The following USP10 variants were observed in gnomAD, a reference collection of about 807,000 sequenced individuals.
USP10 encodes ubiquitin specific peptidase 10, also known as ubiquitin carboxyl-terminal hydrolase 10.
USP10 carries 22 observed loss-of-function variants against 84.5 expected under a neutral mutation model. The ratio of observed to expected loss-of-function variants is 0.26; its 90% CI spans 0.19 to 0.37. USP10 has a LOEUF of 0.37. Among genes scored for constraint, USP10 ranks in the 10% least tolerant of loss-of-function variants. USP10 has a pLI of 1.00. For synonymous variants in USP10, 454 were observed against 387.6 expected (o/e 1.17, Z -2.01); for missense variants, 1,019 against 998.9 (o/e 1.02, Z -0.27).
chr16:84,775,178 T>C lies in USP10; in HGVS notation c.2162T>C (p.Val721Ala), dbSNP rs1914868888. The change falls in exon 13 of 14, where the codon GTT becomes GCT. Residue 721 changes from valine to alanine, a missense_variant. Val to Ala is a moderately conservative substitution (Grantham distance 64). Transcript: ENST00000219473. ...TTTCCAGAACTGCTTTCTCCAGGGG[T>C]TAAAAATAAGAATTTTAAATGCCAC... is the stretch of plus-strand genomic sequence containing the variant. The part of the protein sequence containing the change: ...EISKELLSPG[V>A]KNKNFKCHRT... 6.2e-7 allele frequency: 1 copy of C among 1,613,764 alleles called. No individual in the cohort carries two copies. Among genetic ancestry groups the C allele is most frequent in the Non-Finnish European group, 8.5e-7 (1 of 1,179,736 alleles).
At chr16:84,724,904 C>G (rs16974453) in intron 1 of USP10, among the ~76,000 whole-genome samples, 1 of 152,112 alleles carries the variant, frequency 6.6e-6, no homozygotes, top group Non-Finnish European at 1.5e-5. Flanking sequence ...AAGTTGAAAG[C>G]ACACAATGAT....
At chr16:84,701,586 A>G (rs1904864392) in intron 1 of USP10, among the ~76,000 whole-genome samples, 1 of 152,242 alleles carries the variant, frequency 6.6e-6, no homozygotes, top group Admixed American at 6.5e-5. Flanking sequence ...AATGTGTAAT[A>G]TTCCTTGTGA....
chr16:84,774,670 C>G (rs898584723), intron 12 of USP10, among the ~76,000 whole-genome samples: 4 of 152,186 alleles, frequency 2.6e-5, no homozygotes, highest in Non-Finnish European at 5.9e-5. Flanking sequence ...CGTGGTTTCA[C>G]TGTATTAGCC....
At chr16:84,717,208 A>C (rs1907145845) in intron 1 of USP10, among the ~76,000 whole-genome samples, 1 of 151,976 alleles carries the variant, frequency 6.6e-6, no homozygotes, top group Non-Finnish European at 1.5e-5. Flanking sequence ...GGGTCTGTGA[A>C]GTTCTGAAAT....
chr16:84,728,044 C>G (rs964461398), intron 1 of USP10, among the ~76,000 whole-genome samples: 6 of 152,150 alleles, frequency 3.9e-5, no homozygotes, highest in Non-Finnish European at 7.4e-5. Flanking sequence ...AGGATATTGA[C>G]TTTTTTGAAC....
At chr16:84,732,154 T>TA (rs1909317104) in intron 1 of USP10, among the ~76,000 whole-genome samples, 1 of 152,222 alleles carries the variant, frequency 6.6e-6, no homozygotes, top group Non-Finnish European at 1.5e-5. Context: ...AGGAGGGTAT[T>TA]ACATTTAGTG....
chr16:84,765,749 G>A (rs912662842), intron 10 of USP10, among the ~76,000 whole-genome samples: 1 of 152,226 alleles, frequency 6.6e-6, no homozygotes, highest in Non-Finnish European at 1.5e-5. Flanking sequence ...TGAAGAGAGT[G>A]TGAAGGGAGG....
chr16:84,779,750 T>C lies in USP10; in HGVS notation c.*668T>C, dbSNP rs1915373854. ...AGATTTCAAATTGCATTCATGCTTC[T>C]GTGTACACATAATGAAAAATGGGCA... On this transcript the variant is annotated 3_prime_UTR_variant, in exon 14 of 14. Coordinates refer to ENST00000219473, the MANE Select transcript of USP10 (RefSeq NM_005153.3). 6.5e-6 allele frequency: 1 copy of C among 152,730 alleles called. No individual in the cohort carries two copies. Among genetic ancestry groups the C allele is most frequent in the Non-Finnish European group, 1.5e-5 (1 of 68,074 alleles). 9.5% of individuals were successfully genotyped at this position (152,730 alleles called of 1,614,324 possible).
At chr16:84,735,101 A>G (rs1909726819) in intron 2 of USP10, among the ~76,000 whole-genome samples, 1 of 151,414 alleles carries the variant, frequency 6.6e-6, no homozygotes, top group South Asian at 2.1e-4. Flanking sequence ...ATCACAATTC[A>G]CTGCAACTTT....
intron 1 of USP10, among the ~76,000 whole-genome samples, chr16:84,709,621 G>C (rs557915728): frequency 6.6e-6 from 1 of 152,224 alleles, no homozygotes; most frequent in South Asian, 2.1e-4. Context: ...CTTTTGACTC[G>C]GAGGGTGCCG....
chr16:84,701,794 A>T (rs1904890356), intron 1 of USP10, among the ~76,000 whole-genome samples: 2 of 152,304 alleles, frequency 1.3e-5, no homozygotes, highest in South Asian at 2.1e-4. Flanking sequence ...ATCTTTAGAA[A>T]ATTGGAGTAG....
chr16:84,745,689 T>C lies in USP10; in HGVS notation c.1192+16T>C. The C allele has an allele frequency of 1.3e-6, 2 of 1,593,600 alleles. No individual in the cohort carries two copies. The highest frequency in any genetic ancestry group is 1.7e-6 in the Non-Finnish European group (2 of 1,169,192). On this transcript the variant is annotated intron_variant, in intron 4 of 13. Coordinates refer to ENST00000219473, the MANE Select transcript of USP10 (RefSeq NM_005153.3). ...AAGATTGCAGGTATAGTTGAAAAGA[T>C]ACAAATCTAGAGTGAAGATGGGAGC...
At chr16:84,732,700 A>T (rs561556244) in intron 1 of USP10, 1 of 299,044 alleles carries the variant, frequency 3.3e-6, no homozygotes, top group East Asian at 1.2e-4. Context: ...CGCCCATGTC[A>T]GCCTCCCAGA....
Position 84,744,758 on chromosome 16 carries a change from G to A in USP10, c.277G>A (p.Gly93Ser), listed in dbSNP as rs187656961. Residue 93 changes from glycine (G) to serine (S), a missense_variant, in exon 4 of 14, where the codon GGT becomes AGT. By Grantham distance (56) the Gly-to-Ser change is moderately conservative (BLOSUM62 0). This residue lies in a region of USP10 where 787 missense variants were observed against 708.8 expected (regional missense o/e 1.11). Coordinates refer to ENST00000219473, the MANE Select transcript of USP10 (RefSeq NM_005153.3). ...LNPQAPEFIL[G>S]CTASKITPDG... Reference sequence around the variant, plus strand: ...CCCTCAGGCCCCTGAATTTATTCTCGGTTGTACAGCTTCCAAAATAACCCC... The same window carrying A: ...CCCTCAGGCCCCTGAATTTATTCTCAGTTGTACAGCTTCCAAAATAACCCC... 295 of 1,613,656 alleles carry A rather than the reference G, an allele frequency of 1.8e-4. No individual in the cohort carries two copies. Among genetic ancestry groups the A allele is most frequent in the Admixed American group, 4.0e-4 (24 of 60,000 alleles).
At chr16:84,703,892 G>A (rs1457277537) in intron 1 of USP10, among the ~76,000 whole-genome samples, 1 of 152,164 alleles carries the variant, frequency 6.6e-6, no homozygotes, top group Non-Finnish European at 1.5e-5. Flanking sequence ...AATACTAAGC[G>A]GGCCTACCAC....
intron 7 of USP10, 51 bp downstream of exon 7, chr16:84,759,997 G>A (rs1374342175): frequency 6.3e-7 from 1 of 1,598,766 alleles, no homozygotes; most frequent in African/African-American, 1.3e-5. Context: ...GAGTTATGGA[G>A]ACAGATGACT....
In USP10 at chr16:84,775,236, T is replaced by C; in HGVS notation, c.2209+11T>C. The C allele has an allele frequency of 6.2e-7, 1 of 1,611,986 alleles. No homozygotes were observed. The highest frequency in any genetic ancestry group is 2.2e-5 in the East Asian group (1 of 44,872). Reference sequence around the variant, plus strand: ...ATCGGCTCTTTGCAGGTGAGTAAATTTGTACGACATTACTTCTTCATTAAA... The same window carrying C: ...ATCGGCTCTTTGCAGGTGAGTAAATCTGTACGACATTACTTCTTCATTAAA... On this transcript the variant is annotated intron_variant, in intron 13 of 13. Transcript: ENST00000219473.
chr16:84,773,494 C>G (rs1449913882), intron 12 of USP10, among the ~76,000 whole-genome samples: 1 of 152,158 alleles, frequency 6.6e-6, no homozygotes, highest in African/African-American at 2.4e-5. Context: ...TGGCTGGCTT[C>G]TAGCCGGCTC....
At chr16:84,777,150 A>C in intron 13 of USP10, among the ~76,000 whole-genome samples, 1 of 152,224 alleles carries the variant, frequency 6.6e-6, no homozygotes, top group East Asian at 1.9e-4. Flanking sequence ...AATCTCGCGC[A>C]CAAGCTTTTC....
Sources: gnomAD v4.1 joint callset for allele counts (sites outside exome capture counted in the v4.1 genomes callset) on GRCh38, gnomAD v4.1.1 for gene constraint, gnomAD v4.1.1 regional missense constraint, MANE v1.5 for transcripts, NCBI Gene and HGNC (gene_info 2026-07-23, HGNC 2026-07-21) for gene names.